The following HIP1 variants were observed in gnomAD, a reference collection of about 807,000 sequenced individuals.
HIP1 encodes the protein huntingtin interacting protein 1.
In HIP1, 65 loss-of-function variants were observed where a neutral mutation model predicts 147.6. The ratio of observed to expected loss-of-function variants is 0.44; its 90% CI spans 0.36 to 0.54. HIP1 has a LOEUF of 0.54. Ranked by LOEUF, HIP1 falls within the 20% of genes least tolerant of loss-of-function variation. HIP1 has a pLI of 0.00. For synonymous variants in HIP1, 479 were observed against 504.0 expected, an observed-to-expected ratio of 0.95 and a Z score of 0.67; for missense variants, 1,061 against 1,299.6, an observed-to-expected ratio of 0.82 and a Z score of 2.82.
At chr7:75,646,381 CTGGCCACAGTCATTAAATCTAA>C (rs1229888086) in intron 1 of HIP1, among the ~76,000 whole-genome samples, 1 of 152,260 alleles carries the variant, frequency 6.6e-6, no homozygotes, top group Non-Finnish European at 1.5e-5. Context: ...GCCACCTCGC[CTGGCCACAGTCATTAAATCTAA>C]TGAGCAGCTG....
chr7:75,694,352 T>C (rs1303418726), intron 1 of HIP1, among the ~76,000 whole-genome samples: 1 of 152,190 alleles, frequency 6.6e-6, no homozygotes, highest in African/African-American at 2.4e-5. Context: ...ATGCTGGGCA[T>C]GCGTGGTCGG....
chr7:75,660,820 AC>A (rs1370190814), intron 1 of HIP1, among the ~76,000 whole-genome samples: 6 of 151,736 alleles, frequency 4.0e-5, no homozygotes, highest in African/African-American at 1.5e-4. Context: ...GCAACAAAGA[AC>A]CCCCTTCATC....
intron 4 of HIP1, among the ~76,000 whole-genome samples, chr7:75,590,965 T>C (rs1584846240): frequency 6.6e-6 from 1 of 151,936 alleles, no homozygotes; most frequent in Admixed American, 6.6e-5. Flanking sequence ...GGTAAGACTG[T>C]GCAAAAAGGC....
At chr7:75,541,171 C>T (rs587758069) in intron 29 of HIP1, among the ~76,000 whole-genome samples, 22 of 151,928 alleles carry the variant, frequency 1.4e-4, no homozygotes, top group African/African-American at 5.3e-4. Context: ...CCCAGGTGGG[C>T]AGATCACAAG....
In HIP1 at chr7:75,538,236, T is replaced by C. The variant is rs373051446; in HGVS notation, c.3062-12A>G. ...AGATGCCTCTGTTCCTAAAAGACAA[T>C]GATAATTTATGTTGCAAAGCACTCA... is the stretch of plus-strand genomic sequence containing the variant. On this transcript the variant is annotated splice_polypyrimidine_tract_variant and intron_variant, in intron 30 of 30. Coordinates refer to ENST00000336926, the MANE Select transcript of HIP1 (RefSeq NM_005338.7). The C allele has an allele frequency of 5.0e-6, 8 of 1,609,898 alleles. No homozygotes were observed. The highest frequency in any genetic ancestry group is 2.7e-5 in the African/African-American group (2 of 74,786).
chr7:75,738,765 GTGCCCCAGGGA>G, intron 1 of HIP1, 25 bp downstream of exon 1: 2 of 1,589,604 alleles, frequency 1.3e-6, no homozygotes, highest in Non-Finnish European at 1.7e-6. Context: ...GTCCCTCAGG[GTGCCCCAGGGA>G]TGCCCCGGGG....
chr7:75,696,710 T>C (rs565742431), intron 1 of HIP1, among the ~76,000 whole-genome samples: 2 of 150,680 alleles, frequency 1.3e-5, no homozygotes, highest in South Asian at 4.3e-4. Flanking sequence ...AAGTGATTCT[T>C]GTGCCTCAAC....
chr7:75,559,628 C>G, intron 14 of HIP1, 104 bp downstream of exon 14: 1 of 936,020 alleles, frequency 1.1e-6, no homozygotes, highest in South Asian at 1.7e-5. Context: ...GAAAGACAGT[C>G]TGGGTCTCCC....
At chr7:75,662,127 G>T (rs1554513706) in intron 1 of HIP1, among the ~76,000 whole-genome samples, 1 of 151,266 alleles carries the variant, frequency 6.6e-6, no homozygotes, top group Non-Finnish European at 1.5e-5. Flanking sequence ...GATGTCATGG[G>T]GGATGAAATC....
chr7:75,544,247 G>A (rs141904087), intron 27 of HIP1, among the ~76,000 whole-genome samples: 101 of 150,718 alleles, frequency 6.7e-4, no homozygotes, highest in Admixed American at 3.4e-3. Flanking sequence ...ATTTGGAATC[G>A]AATCCACCTG....
chr7:75,706,048 C>T lies in HIP1; in HGVS notation c.120+32753G>A, dbSNP rs190315853. On this transcript the variant is annotated intron_variant, in intron 1 of 30. Coordinates refer to ENST00000336926, the MANE Select transcript of HIP1 (RefSeq NM_005338.7). ...AGCTGGGATTACAGGTGCCTGCCAC[C>T]GTGCCTGGCCAATTTTTTGTATTTT... Among the ~76,000 whole-genome samples the T allele has an allele frequency of 2.6e-3, 400 of 152,176 alleles. 2 individuals carry two copies. The highest frequency in any genetic ancestry group is 9.4e-3 in the African/African-American group (391 of 41,536).
At position 75,572,514 on chromosome 7, in the gene HIP1, G is replaced by A. The variant is rs587772221; in HGVS notation, c.745+1247C>T. ...CACGACATACTTGTTGAATGGTGAC[G>A]TGCTCAAGCTAGAGGCAGACAGAGA... On this transcript the variant is annotated intron_variant, in intron 8 of 30. Coordinates refer to ENST00000336926, the MANE Select transcript of HIP1 (RefSeq NM_005338.7). 2.0e-4 allele frequency among the ~76,000 whole-genome samples: 31 copies of A among 152,316 alleles called. 1 individual carries two copies. The highest frequency in any genetic ancestry group is 4.1e-4 in the South Asian group (2 of 4,830).
At chr7:75,676,080 C>T (rs1282729094) in intron 1 of HIP1, among the ~76,000 whole-genome samples, 10 of 152,140 alleles carry the variant, frequency 6.6e-5, no homozygotes, top group Admixed American at 6.6e-4. Context: ...AAGTCAGATT[C>T]TGCTCCCCCC....
At chr7:75,733,987 T>C (rs1801927234) in intron 1 of HIP1, among the ~76,000 whole-genome samples, 1 of 151,938 alleles carries the variant, frequency 6.6e-6, no homozygotes, top group African/African-American at 2.4e-5. Flanking sequence ...GGCTTATACC[T>C]GTAATCCCAG....
chr7:75,670,180 C>A (rs1554515102), intron 1 of HIP1, among the ~76,000 whole-genome samples: 1 of 151,676 alleles, frequency 6.6e-6, no homozygotes, highest in Non-Finnish European at 1.5e-5. Flanking sequence ...CAGGGTCTCA[C>A]TCTGTTGCCT....
chr7:75,649,262 G>C (rs964774388), intron 1 of HIP1, among the ~76,000 whole-genome samples: 2 of 152,196 alleles, frequency 1.3e-5, no homozygotes, highest in African/African-American at 2.4e-5. Context: ...GACCTCAGAT[G>C]ATCAGCCTGC....
intron 21 of HIP1, 49 bp downstream of exon 21, chr7:75,554,064 C>G (rs782126416): frequency 2.1e-6 from 3 of 1,423,768 alleles, no homozygotes; most frequent in Non-Finnish European, 2.0e-6. Flanking sequence ...CTTTTAAAGG[C>G]CCCCTGCTCC....
intron 1 of HIP1, among the ~76,000 whole-genome samples, chr7:75,711,942 A>T (rs1421699546): frequency 6.6e-6 from 1 of 152,180 alleles, no homozygotes; most frequent in Non-Finnish European, 1.5e-5. Flanking sequence ...GAGCTTGGTG[A>T]GAAGCGCACA....
At chr7:75,703,575 G>A (rs781930063) in intron 1 of HIP1, among the ~76,000 whole-genome samples, 9 of 151,310 alleles carry the variant, frequency 5.9e-5, no homozygotes, top group Admixed American at 1.3e-4. Context: ...CCTGGGAGGC[G>A]GAGACAACAA....
Sources: allele counts gnomAD v4.1 joint callset (sites outside exome capture counted in the v4.1 genomes callset), GRCh38; gene constraint gnomAD v4.1.1; transcripts MANE v1.5; gene names NCBI Gene and HGNC (gene_info 2026-07-23, HGNC 2026-07-21).